Variants in HTT-AS observed in about 807,000 individuals in gnomAD.
HTT-AS encodes HTT antisense RNA (head to head).
chr4:3,052,849 AG>A (rs1298340609), intron 2 of HTT-AS, among the ~76,000 whole-genome samples: 1 of 152,168 alleles, frequency 6.6e-6, no homozygotes, highest in Non-Finnish European at 1.5e-5. Flanking sequence ...AAAAAAAATT[AG>A]CCGGGCATGG....
At chr4:3,061,715 C>T (rs1415343088) in intron 2 of HTT-AS, among the ~76,000 whole-genome samples, 1 of 148,346 alleles carries the variant, frequency 6.7e-6, no homozygotes, top group Non-Finnish European at 1.5e-5. Context: ...GGCAAAGTGG[C>T]TCACGCCTGT....
chr4:3,073,778 C>T (rs922704267), intron 1 of HTT-AS, among the ~76,000 whole-genome samples: 1 of 152,180 alleles, frequency 6.6e-6, no homozygotes, highest in Non-Finnish European at 1.5e-5. Flanking sequence ...CGCGCATTCT[C>T]TGCGCTCTGC....
At chr4:3,073,537 T>C (rs184373234) in intron 1 of HTT-AS, among the ~76,000 whole-genome samples, 2 of 152,358 alleles carry the variant, frequency 1.3e-5, no homozygotes, top group East Asian at 3.9e-4. Context: ...CTCATTCCTG[T>C]GGGCGGCATC....
Position 3,055,921 on chromosome 4 carries a change from G to A in HTT-AS, n.1381-6223C>T, listed in dbSNP as rs773157923. On this transcript the variant is annotated intron_variant and non_coding_transcript_variant, in intron 2 of 2. Transcript: ENST00000664062. ...ACTGGATCCAGGCCGGTTAATTACC[G>A]TATCAAATCTATTCCTGGACCCATC... 4.5e-4 allele frequency among the ~76,000 whole-genome samples: 69 copies of A among 152,178 alleles called. 1 individual carries two copies. The highest frequency in any genetic ancestry group is 4.1e-4 in the South Asian group (2 of 4,832).
exon 2 of HTT-AS, among the ~76,000 whole-genome samples, chr4:3,062,447 T>C (rs950871457): frequency 6.6e-6 from 1 of 151,980 alleles, no homozygotes; most frequent in Non-Finnish European, 1.5e-5. Context: ...GCCTTGGAGG[T>C]CTGGTGTGAG....
At chr4:3,048,016 T>A (rs1711628981), downstream of HTT-AS, among the ~76,000 whole-genome samples, 1 of 152,184 alleles carries the variant, frequency 6.6e-6, no homozygotes, top group South Asian at 2.1e-4. Flanking sequence ...CTCACACTCC[T>A]TACCCTGCCC....
chr4:3,061,684 G>GAAA (rs71644374), intron 2 of HTT-AS, among the ~76,000 whole-genome samples: 33,439 of 110,314 alleles, frequency 0.3, 4,899 homozygotes, highest in South Asian at 0.48. Flanking sequence ...CTCCATCTCA[G>GAAA]AAAAAAAAAA....
intron 2 of HTT-AS, among the ~76,000 whole-genome samples, chr4:3,049,986 C>G (rs1409023906): frequency 7.2e-6 from 1 of 139,620 alleles, no homozygotes; most frequent in Non-Finnish European, 1.5e-5. Context: ...ATCTCTGTCA[C>G]CCAGGCTGGA....
At chr4:3,056,071 CT>C (rs1711799118) in intron 2 of HTT-AS, among the ~76,000 whole-genome samples, 1 of 152,226 alleles carries the variant, frequency 6.6e-6, no homozygotes, top group Non-Finnish European at 1.5e-5. Flanking sequence ...TGATCCCCAG[CT>C]GCTCTGAGAA....
downstream of HTT-AS, among the ~76,000 whole-genome samples, chr4:3,048,418 T>A (rs1481247691): frequency 6.6e-6 from 1 of 152,150 alleles, no homozygotes; most frequent in East Asian, 1.9e-4. Flanking sequence ...TTAAAACCTT[T>A]GAGAGAATGC....
intron 2 of HTT-AS, among the ~76,000 whole-genome samples, chr4:3,058,881 G>A (rs1711859476): frequency 6.6e-6 from 1 of 151,812 alleles, no homozygotes; most frequent in Admixed American, 6.6e-5. Flanking sequence ...CATCATACTG[G>A]GCTAATTTTT....
intron 1 of HTT-AS, among the ~76,000 whole-genome samples, chr4:3,071,806 C>A (rs1179198264): frequency 6.6e-6 from 1 of 152,142 alleles, no homozygotes; most frequent in Non-Finnish European, 1.5e-5. Flanking sequence ...GGGACGGCCA[C>A]GTGAGGACAC....
At chr4:3,060,742 C>T (rs1352410798) in intron 2 of HTT-AS, among the ~76,000 whole-genome samples, 2 of 152,234 alleles carry the variant, frequency 1.3e-5, no homozygotes, top group Non-Finnish European at 2.9e-5. Flanking sequence ...AACATGGCGG[C>T]TCCATCTTCC....
chr4:3,053,835 T>C (rs566298675), intron 2 of HTT-AS, among the ~76,000 whole-genome samples: 60 of 149,812 alleles, frequency 4.0e-4, no homozygotes, highest in Non-Finnish European at 8.0e-4. Flanking sequence ...CTAGGCTCAC[T>C]ACAACGTCTG....
chr4:3,061,321 A>G (rs1357994245), intron 2 of HTT-AS, among the ~76,000 whole-genome samples: 3 of 152,228 alleles, frequency 2.0e-5, no homozygotes, highest in African/African-American at 4.8e-5. Context: ...CTTCTAGGTC[A>G]CAGGTAGACA....
intron 2 of HTT-AS, among the ~76,000 whole-genome samples, chr4:3,062,185 A>G (rs1711940022): frequency 6.6e-6 from 1 of 151,718 alleles, no homozygotes; most frequent in African/African-American, 2.4e-5. Context: ...GCATGCCACC[A>G]CACGTGGCTA....
chr4:3,068,510 A>G (rs982705918), intron 1 of HTT-AS, among the ~76,000 whole-genome samples: 5 of 152,146 alleles, frequency 3.3e-5, no homozygotes, highest in African/African-American at 1.2e-4. Flanking sequence ...CAGGCAGAAG[A>G]AAATGACCCC....
At chr4:3,056,413 C>A (rs1376410004) in intron 2 of HTT-AS, among the ~76,000 whole-genome samples, 2 of 152,202 alleles carry the variant, frequency 1.3e-5, no homozygotes, top group Non-Finnish European at 2.9e-5. Flanking sequence ...TTTGAACTCT[C>A]AGCAGTGTAT....
intron 2 of HTT-AS, among the ~76,000 whole-genome samples, chr4:3,062,338 A>G (rs1307480129): frequency 6.6e-6 from 1 of 152,034 alleles, no homozygotes; most frequent in Non-Finnish European, 1.5e-5. Context: ...CCTAGTCTAC[A>G]TTTTTATAAA....
Sources: gnomAD v4.1 joint callset for allele counts (sites outside exome capture counted in the v4.1 genomes callset) on GRCh38, gnomAD v4.1.1 for gene constraint, MANE v1.5 for transcripts, NCBI Gene and HGNC (gene_info 2026-07-23, HGNC 2026-07-21) for gene names.